MAP4K4: variants seen among roughly 807,000 people sequenced by gnomAD.
MAP4K4 encodes mitogen-activated protein kinase kinase kinase kinase 4.
In MAP4K4, 38 loss-of-function variants were observed where a neutral mutation model predicts 189.6. The observed-to-expected ratio is 0.20, with a 90% CI of 0.15 to 0.26. MAP4K4 has a LOEUF of 0.26. Among genes scored for constraint, MAP4K4 ranks in the 10% least tolerant of loss-of-function variants. The pLI is 1.00. For synonymous variants in MAP4K4, 610 were observed against 624.3 expected (o/e 0.98, Z 0.34); for missense variants, 1,054 against 1,726.9 (o/e 0.61, Z 6.91).
At chr2:101,797,398 T>C (rs1420915992) in intron 3 of MAP4K4, 2 of 1,290,610 alleles carry the variant, frequency 1.5e-6, no homozygotes, top group Non-Finnish European at 2.0e-6. Context: ...GCCAGAAATG[T>C]ATCAGTTTTT....
intron 3 of MAP4K4, among the ~76,000 whole-genome samples, chr2:101,793,261 G>T (rs1355108199): frequency 3.3e-5 from 5 of 152,202 alleles, no homozygotes; most frequent in African/African-American, 4.8e-5. Context: ...CATGTTTCTT[G>T]TGTGCTGTTT....
exon 33 of MAP4K4, chr2:101,893,181 T>A (rs1414794025): frequency 4.4e-6 from 2 of 456,330 alleles, no homozygotes; most frequent in African/African-American, 4.0e-5. Context: ...TCCTTTGAGC[T>A]ACAAACATCT....
chr2:101,852,256 G>C (rs148792939), intron 12 of MAP4K4, among the ~76,000 whole-genome samples: 4 of 151,924 alleles, frequency 2.6e-5, no homozygotes, highest in Non-Finnish European at 4.4e-5. Context: ...ATTGGATTTC[G>C]TAGGACCTAG....
chr2:101,806,249 G>C (rs2094915079), intron 3 of MAP4K4, among the ~76,000 whole-genome samples: 1 of 152,132 alleles, frequency 6.6e-6, no homozygotes, highest in South Asian at 2.1e-4. Context: ...TCTGTAGTTA[G>C]GTGGTATTTC....
At chr2:101,874,083 G>A (rs1428557195) in exon 26 of MAP4K4, 1 of 1,612,402 alleles carries the variant, frequency 6.2e-7, no homozygotes, top group Admixed American at 1.7e-5. Context: ...GTGTTTCAGT[G>A]GGATTTTCCT....
chr2:101,755,713 G>T (rs2072150377), intron 2 of MAP4K4, among the ~76,000 whole-genome samples: 1 of 152,042 alleles, frequency 6.6e-6, no homozygotes, highest in South Asian at 2.1e-4. Context: ...AGAGTAGATT[G>T]TTGTGAACTC....
At chr2:101,783,913 G>T (rs11901855) in intron 2 of MAP4K4, among the ~76,000 whole-genome samples, 10,081 of 152,240 alleles carry the variant, frequency 0.066, 420 homozygotes, top group African/African-American at 0.12. Flanking sequence ...GTGTGACATG[G>T]TTTTGTGACA....
chr2:101,829,873 CT>C (rs1261170690), intron 6 of MAP4K4: 1 of 279,824 alleles, frequency 3.6e-6, no homozygotes, highest in African/African-American at 2.2e-5. Context: ...TAATGGCTTC[CT>C]ATTTTACTTT....
At chr2:101,808,127 C>T (rs1227163516) in intron 3 of MAP4K4, among the ~76,000 whole-genome samples, 1 of 152,188 alleles carries the variant, frequency 6.6e-6, no homozygotes, top group Non-Finnish European at 1.5e-5. Flanking sequence ...GGTTGTTTCC[C>T]TTGTTTTTAT....
At chr2:101,804,804 G>A (rs1014612267) in intron 3 of MAP4K4, among the ~76,000 whole-genome samples, 1 of 152,014 alleles carries the variant, frequency 6.6e-6, no homozygotes, top group African/African-American at 2.4e-5. Context: ...ATTTTGGGCC[G>A]GGTGCGGTGG....
intron 2 of MAP4K4, among the ~76,000 whole-genome samples, chr2:101,788,538 G>A (rs190443067): frequency 6.6e-6 from 1 of 152,304 alleles, no homozygotes; most frequent in African/African-American, 2.4e-5. Flanking sequence ...AAGGAGGAAG[G>A]CAGAATTCTT....
At chr2:101,891,282 G>C (rs572622534) in exon 33 of MAP4K4, 1 of 1,566,748 alleles carries the variant, frequency 6.4e-7, no homozygotes, top group Admixed American at 1.7e-5. Context: ...CTGGCCTCCA[G>C]AGTCTTCAAG....
exon 12 of MAP4K4, chr2:101,844,290 A>G: frequency 1.9e-6 from 3 of 1,563,526 alleles, no homozygotes; most frequent in Non-Finnish European, 2.6e-6. Flanking sequence ...AGCAGAAAGA[A>G]CAGAGGCGAC....
intron 3 of MAP4K4, chr2:101,797,272 G>A (rs2093800441): frequency 1.5e-6 from 2 of 1,290,734 alleles, no homozygotes; most frequent in South Asian, 2.5e-5. Context: ...AAATGCTACA[G>A]GCCTTACAGC....
chr2:101,797,934 G>C (rs1296686024), intron 3 of MAP4K4, among the ~76,000 whole-genome samples: 1 of 85,650 alleles, frequency 1.2e-5, no homozygotes, highest in African/African-American at 4.6e-5. Context: ...TTACTCTGTT[G>C]CCCAAGCTAG....
chr2:101,856,133 G>A (rs2097445402), exon 13 of MAP4K4: 2 of 1,550,150 alleles, frequency 1.3e-6, no homozygotes. Flanking sequence ...AGTTGAAAGA[G>A]AACAGGTTAG....
chr2:101,789,995 T>C (rs1038767771), intron 2 of MAP4K4, among the ~76,000 whole-genome samples: 3 of 152,100 alleles, frequency 2.0e-5, no homozygotes, highest in Non-Finnish European at 4.4e-5. Flanking sequence ...CTTTATACAC[T>C]TAAAAAAAAT....
intron 3 of MAP4K4, among the ~76,000 whole-genome samples, chr2:101,796,890 C>T (rs1490718457): frequency 2.6e-5 from 4 of 152,074 alleles, no homozygotes; most frequent in Non-Finnish European, 5.9e-5. Flanking sequence ...CTAGAGCAGC[C>T]AAGTAAGAAT....
chr2:101,832,962 A>C, intron 7 of MAP4K4, among the ~76,000 whole-genome samples: 1 of 152,176 alleles, frequency 6.6e-6, no homozygotes, highest in East Asian at 1.9e-4. Flanking sequence ...TTCTTAGCAA[A>C]ATCACTGCTG....
Sources: allele counts gnomAD v4.1 joint callset (sites outside exome capture counted in the v4.1 genomes callset), GRCh38; gene constraint gnomAD v4.1.1; transcripts MANE v1.5; gene names NCBI Gene and HGNC (gene_info 2026-07-23, HGNC 2026-07-21).